Variants in INPP5A observed in about 807,000 individuals in gnomAD.
INPP5A encodes inositol polyphosphate-5-phosphatase A, also known as 43 kDa inositol polyphosphate 5-phophatase.
INPP5A carries 14 observed loss-of-function variants against 65.2 expected under a neutral mutation model. The ratio of observed to expected loss-of-function variants is 0.21; its 90% CI spans 0.14 to 0.34. The LOEUF (loss-of-function observed/expected upper bound fraction) is 0.34. Ranked by LOEUF, INPP5A falls within the 10% of genes least tolerant of loss-of-function variation. INPP5A has a pLI of 1.00. For synonymous variants in INPP5A, 207 were observed against 208.3 expected, an observed-to-expected ratio of 0.99 and a Z score of 0.05; for missense variants, 431 against 545.6, an observed-to-expected ratio of 0.79 and a Z score of 2.09.
chr10:132,676,167 G>A lies in INPP5A; in HGVS notation c.307-14225G>A, dbSNP rs576515194. On this transcript the variant is annotated intron_variant, in intron 4 of 15. Coordinates refer to ENST00000368594, the MANE Select transcript of INPP5A (RefSeq NM_005539.5). The surrounding 1 kb of genome is among the most constrained non-coding windows in gnomAD (Gnocchi z 4.0). ...TGTTCATTATTGAAATTTTCAATTTGTGAAATATTTATTATTCAAAAAATA... is the reference window on the plus strand; with the variant it reads ...TGTTCATTATTGAAATTTTCAATTTATGAAATATTTATTATTCAAAAAATA... 3.3e-5 allele frequency among the ~76,000 whole-genome samples: 5 copies of A among 152,262 alleles called. No individual in the cohort carries two copies. In the East Asian group the frequency reaches 7.7e-4, roughly 23 times the overall value.
chr10:132,701,026 C>G (rs1845428070), intron 6 of INPP5A, among the ~76,000 whole-genome samples: 1 of 152,220 alleles, frequency 6.6e-6, no homozygotes, highest in South Asian at 2.1e-4. Context: ...GGGCCGGCTG[C>G]AAGCTCTCAT....
intron 8 of INPP5A, among the ~76,000 whole-genome samples, chr10:132,716,121 A>G (rs903318209): frequency 5.2e-4 from 79 of 152,214 alleles, no homozygotes; most frequent in Non-Finnish European, 1.8e-4. Context: ...TGGTGCCGCT[A>G]TGCAGATGCA....
At position 132,781,889 on chromosome 10, in the gene INPP5A, C is replaced by A; in HGVS notation, c.1187C>A (p.Pro396His). ...GTGTTCCTGGCCTTCCGAATCATGC[C>A]CGGGGCAGGTAAACCTCATGCCCAT... ...KPVFLAFRIM[P>H]GAGKPHAHVH... The change falls in exon 15 of 16, where the codon CCC becomes CAC. Residue 396 changes from proline (P) to histidine (H), a missense_variant. By Grantham distance (77) the Pro-to-His change is moderately conservative (BLOSUM62 -2). Coordinates refer to ENST00000368594, the MANE Select transcript of INPP5A (RefSeq NM_005539.5). 1.2e-6 allele frequency: 2 copies of A among 1,613,872 alleles called. No homozygotes were observed. Among genetic ancestry groups the A allele is most frequent in the South Asian group, 2.2e-5 (2 of 91,088 alleles).
rs538987198 is a variant in INPP5A at position 132,754,958 on chromosome 10, T to C, written c.903+5113T>C. ...GTGCATATGCATGTGAATGGGCAAG[T>C]GTGTGTATAAGCAGGCATGTGTGCG... On this transcript the variant is annotated intron_variant, in intron 11 of 15. Coordinates refer to ENST00000368594, the MANE Select transcript of INPP5A (RefSeq NM_005539.5). Among the ~76,000 whole-genome samples the C allele has an allele frequency of 3.3e-5, 5 of 151,368 alleles. No homozygotes were observed. The South Asian group carries it at 1.0e-3, about 32-fold the overall frequency.
At chr10:132,576,552 T>A (rs892715605) in intron 1 of INPP5A, among the ~76,000 whole-genome samples, 2 of 152,192 alleles carry the variant, frequency 1.3e-5, no homozygotes, top group East Asian at 3.9e-4. Flanking sequence ...CGTCCCCCAC[T>A]GCATCCACCC....
chr10:132,680,942 C>G (rs1421297133), intron 4 of INPP5A, among the ~76,000 whole-genome samples: 3 of 152,234 alleles, frequency 2.0e-5, no homozygotes, highest in Admixed American at 1.3e-4. Context: ...CCACCCGCTC[C>G]GTGGGCTCCT....
At chr10:132,752,697 G>C (rs910975264) in intron 11 of INPP5A, among the ~76,000 whole-genome samples, 3 of 147,696 alleles carry the variant, frequency 2.0e-5, no homozygotes, top group Non-Finnish European at 4.5e-5. Context: ...GGCATGGAGG[G>C]GGTGCGGCGT....
chr10:132,637,203 G>A lies in INPP5A; in HGVS notation c.118-8665G>A, dbSNP rs1054892643. On this transcript the variant is annotated intron_variant, in intron 2 of 15. Transcript: ENST00000368594. The surrounding 1 kb of genome is among the most constrained non-coding windows in gnomAD (Gnocchi z 4.1). ...CTCCCAAAGTGGTGGGATTACAGGCGTGAGCCACCTGTTGTTTAATTGATC... is the reference window on the plus strand; with the variant it reads ...CTCCCAAAGTGGTGGGATTACAGGCATGAGCCACCTGTTGTTTAATTGATC... Among the ~76,000 whole-genome samples, 9 of 152,226 alleles carry A rather than the reference G, an allele frequency of 5.9e-5. No individual in the cohort carries two copies. The highest frequency in any genetic ancestry group is 1.9e-4 in the African/African-American group (8 of 41,456).
At chr10:132,628,291 G>A (rs981075878) in intron 2 of INPP5A, among the ~76,000 whole-genome samples, 5 of 151,896 alleles carry the variant, frequency 3.3e-5, no homozygotes, top group East Asian at 1.9e-4. Context: ...TAACCTCACC[G>A]TGCCCCGCTT....
intron 1 of INPP5A, among the ~76,000 whole-genome samples, chr10:132,582,078 A>G (rs2071491179): frequency 6.6e-6 from 1 of 152,016 alleles, no homozygotes; most frequent in African/African-American, 2.4e-5. Flanking sequence ...TGACCTCATG[A>G]TCTGCCCGTC....
chr10:132,610,361 G>T (rs952679266), intron 2 of INPP5A, among the ~76,000 whole-genome samples: 3 of 152,280 alleles, frequency 2.0e-5, no homozygotes, highest in African/African-American at 2.4e-5. Flanking sequence ...CAGTGATGGG[G>T]GTGGGGGGTG....
intron 11 of INPP5A, among the ~76,000 whole-genome samples, chr10:132,754,390 G>T (rs936686740): frequency 1.3e-5 from 2 of 152,344 alleles, no homozygotes; most frequent in Admixed American, 6.5e-5. Flanking sequence ...TCACGAGTGA[G>T]CGATGGGGAT....
At position 132,704,140 on chromosome 10, in the gene INPP5A, C is replaced by T. The variant is rs1268321979; in HGVS notation, c.475-4173C>T. On this transcript the variant is annotated intron_variant, in intron 6 of 15. Transcript: ENST00000368594. The surrounding 1 kb of genome is among the most constrained non-coding windows in gnomAD (Gnocchi z 4.5). ...TGTCAGGCCCCCCAGTCCCCCCAGA[C>T]AGGAGGTGTCGAGGCACGGAAGATG... 1.3e-5 allele frequency among the ~76,000 whole-genome samples: 2 copies of T among 152,138 alleles called. No homozygotes were observed. The highest frequency in any genetic ancestry group is 3.9e-4 in the East Asian group (2 of 5,116).
intron 2 of INPP5A, 122 bp downstream of exon 2, chr10:132,608,078 T>C (rs1379053499): frequency 1.1e-6 from 1 of 879,610 alleles, no homozygotes; most frequent in East Asian, 2.4e-5. Context: ...GGGCTGTGGC[T>C]GGGTCTCTCG....
In INPP5A at chr10:132,575,381, G is replaced by A. The variant is rs1409892384; in HGVS notation, c.76-32534G>A. ...GTGGCTAGCCTGCTCCCAGCCCCCC[G>A]CAGCTCACAGGGTCAGGATGGGAGG... On this transcript the variant is annotated intron_variant, in intron 1 of 15. Transcript: ENST00000368594. The surrounding 1 kb of genome is among the most constrained non-coding windows in gnomAD (Gnocchi z 5.4). 2.0e-5 allele frequency among the ~76,000 whole-genome samples: 3 copies of A among 152,258 alleles called. 1 individual carries two copies. Among genetic ancestry groups the A allele is most frequent in the South Asian group, 4.1e-4 (2 of 4,822 alleles).
At chr10:132,566,948 A>G (rs1055460935) in intron 1 of INPP5A, among the ~76,000 whole-genome samples, 3 of 152,370 alleles carry the variant, frequency 2.0e-5, no homozygotes, top group African/African-American at 7.2e-5. Flanking sequence ...GAAAACCTGT[A>G]ATAGTGGTTT....
chr10:132,688,847 AGT>A (rs1435243834), intron 4 of INPP5A, among the ~76,000 whole-genome samples: 2 of 151,134 alleles, frequency 1.3e-5, no homozygotes, highest in East Asian at 3.9e-4. Context: ...AGTGTGCGTG[AGT>A]GCGTGTGTGC....
chr10:132,653,905 A>G (rs2072614873), intron 4 of INPP5A, among the ~76,000 whole-genome samples: 1 of 152,218 alleles, frequency 6.6e-6, no homozygotes, highest in South Asian at 2.1e-4. Context: ...CCTCCCCTCA[A>G]GAAGCCGCTG....
chr10:132,728,628 G>A (rs1375637794), intron 9 of INPP5A, among the ~76,000 whole-genome samples: 2 of 152,258 alleles, frequency 1.3e-5, no homozygotes, highest in Non-Finnish European at 1.5e-5. Context: ...TTCCCGCTCT[G>A]ACTGGGAGGG....
Sources: allele counts gnomAD v4.1 joint callset (sites outside exome capture counted in the v4.1 genomes callset), GRCh38; gene constraint gnomAD v4.1.1; non-coding constraint Gnocchi (gnomAD v3.1); transcripts MANE v1.5; gene names NCBI Gene and HGNC (gene_info 2026-07-23, HGNC 2026-07-21).